GJB6: variants seen among roughly 807,000 people sequenced by gnomAD.
GJB6 encodes the protein gap junction beta-6 protein.
GJB6 carries 5 observed loss-of-function variants against 5.4 expected under a neutral mutation model. That is an observed-to-expected ratio of 0.92 (90% CI 0.48 to 1.93). GJB6 has a LOEUF of 1.93. Ranked by LOEUF, GJB6 falls within the 30% of genes most tolerant of loss-of-function variation. The pLI, the probability that GJB6 is intolerant of heterozygous loss-of-function variation, is 0.01. For missense variants in GJB6, 298 were observed against 326.9 expected (o/e 0.91, Z 0.68); for synonymous variants, 136 against 129.6 (o/e 1.05, Z -0.34).
chr13:20,227,059 CT>C (rs1321444933), intron 4 of GJB6, among the ~76,000 whole-genome samples: 2 of 152,146 alleles, frequency 1.3e-5, no homozygotes, highest in African/African-American at 4.8e-5. Context: ...GAGGTCACAA[CT>C]CCCCCCCAGG....
chr13:20,223,171 G>A lies in GJB6; in HGVS notation c.310C>T (p.Arg104Cys), dbSNP rs765805775. The A allele has an allele frequency of 1.9e-6, 3 of 1,613,458 alleles. No homozygotes were observed. The highest frequency in any genetic ancestry group is 2.5e-6 in the Non-Finnish European group (3 of 1,179,556). ...HVAYYRHETT[R>C]KFRRGEKRND... ...CTCTTCTCTCCTCGCCTGAACTTGC[G>A]AGTGGTTTCGTGCCTGTAGTAGGCC... Residue 104 changes from arginine (R) to cysteine (C), a missense_variant, in exon 5 of 5, where the codon CGC becomes TGC. By Grantham distance (180) the Arg-to-Cys change is radical. Transcript: ENST00000647029.
intron 4 of GJB6, among the ~76,000 whole-genome samples, chr13:20,227,385 T>A (rs1421205345): frequency 1.3e-5 from 2 of 152,100 alleles, no homozygotes; most frequent in East Asian, 1.9e-4. Context: ...TTAAATCCAA[T>A]ACAAGTGTGT....
At chr13:20,228,449 G>C (rs1282764633) in intron 4 of GJB6, among the ~76,000 whole-genome samples, 1 of 149,982 alleles carries the variant, frequency 6.7e-6, no homozygotes, top group Non-Finnish European at 1.5e-5. Context: ...ACTCGATGCT[G>C]TTTTTTCTTG....
intron 4 of GJB6, among the ~76,000 whole-genome samples, chr13:20,227,956 C>T (rs1225790589): frequency 6.6e-6 from 1 of 152,170 alleles, no homozygotes; most frequent in East Asian, 1.9e-4. Flanking sequence ...GGTGGACAGA[C>T]TGCAGAGGGG....
intron 4 of GJB6, among the ~76,000 whole-genome samples, chr13:20,227,317 C>T (rs1869656750): frequency 6.6e-6 from 1 of 152,118 alleles, no homozygotes; most frequent in Admixed American, 6.5e-5. Flanking sequence ...GGCAATCCAC[C>T]TATGCCTTTA....
chr13:20,231,844 C>T (rs1180654603), intron 1 of GJB6, among the ~76,000 whole-genome samples: 2 of 152,256 alleles, frequency 1.3e-5, no homozygotes, highest in Admixed American at 1.3e-4. Flanking sequence ...TCAAAGGGGA[C>T]CACGCTGGGG....
chr13:20,229,803 C>CG (rs1869958259), intron 3 of GJB6, 54 bp from the exon 4 acceptor site: 1 of 108,060 alleles, frequency 9.3e-6, no homozygotes, highest in Non-Finnish European at 1.9e-5. Flanking sequence ...CCCCCCCCCC[C>CG]CGCCCCCCGC....
At chr13:20,231,705 CACCCCGGTG>C (rs1468228222) in intron 1 of GJB6, among the ~76,000 whole-genome samples, 200 bp from the exon 2 acceptor site, 2 of 152,226 alleles carry the variant, frequency 1.3e-5, no homozygotes, top group Admixed American at 6.5e-5. Context: ...TCCAAGGGGA[CACCCCGGTG>C]ACCCACAAAA....
At chr13:20,225,630 G>A (rs1869523835) in intron 4 of GJB6, 1 of 152,142 alleles carries the variant, frequency 6.6e-6, no homozygotes, top group African/African-American at 2.4e-5. Context: ...AATGAAAAGA[G>A]GGGCCCAATT....
At position 20,223,461 on chromosome 13, in the gene GJB6, T is replaced by C. The variant is rs748719517; in HGVS notation, c.20A>G (p.His7Arg). The change falls in exon 5 of 5, where the codon CAC becomes CGC. Residue 7 changes from histidine (H) to arginine (R), a missense_variant. His to Arg is a conservative substitution (Grantham distance 29, BLOSUM62 0). Coordinates refer to ENST00000647029, the MANE Select transcript of GJB6 (RefSeq NM_001110219.3). MDWGTL[H>R]TFIGGVNKHS... ...TTTGTTGACACCCCCGATGAAAGTG[T>C]GCAGCGTCCCCCAATCCATTGCGCT... 1.2e-6 allele frequency: 2 copies of C among 1,614,096 alleles called. No homozygotes were observed. Among genetic ancestry groups the C allele is most frequent in the South Asian group, 1.1e-5 (1 of 91,088 alleles).
intron 4 of GJB6, among the ~76,000 whole-genome samples, chr13:20,226,537 G>C (rs1290167332): frequency 6.6e-6 from 1 of 152,090 alleles, no homozygotes; most frequent in African/African-American, 2.4e-5. Flanking sequence ...CATTTAAAAA[G>C]CTCATGTTAA....
rs1198581932 is a variant in GJB6, at chr13:20,222,140, C to T, written c.*555G>A. On this transcript the variant is annotated 3_prime_UTR_variant, in exon 5 of 5. Coordinates refer to ENST00000647029, the MANE Select transcript of GJB6 (RefSeq NM_001110219.3). ...TGAACACTTTCCACCTTAAGCGTAT[C>T]ATGACAGTTCACAAATTTGCCAACA... The T allele has an allele frequency of 6.3e-6, 1 of 157,650 alleles. No homozygotes were observed. The highest frequency in any genetic ancestry group is 1.4e-5 in the Non-Finnish European group (1 of 71,240). 9.8% of individuals were successfully genotyped at this position (157,650 alleles called of 1,614,324 possible). A position where few individuals can be genotyped will look rare whatever the true frequency, so the allele number is the denominator to read the frequency against.
chr13:20,227,091 A>G (rs1208064766), intron 4 of GJB6, among the ~76,000 whole-genome samples: 1 of 152,192 alleles, frequency 6.6e-6, no homozygotes, highest in Non-Finnish European at 1.5e-5. Flanking sequence ...CACGCTTTCT[A>G]GAAGCAGGGT....
chr13:20,228,727 GC>G (rs1334804588), intron 4 of GJB6, among the ~76,000 whole-genome samples: 4 of 151,204 alleles, frequency 2.6e-5, no homozygotes, highest in African/African-American at 4.9e-5. Flanking sequence ...CTCATGATCC[GC>G]CCCCCTTGGC....
intron 1 of GJB6, among the ~76,000 whole-genome samples, 155 bp from the exon 2 acceptor site, chr13:20,231,660 AC>A (rs1401664102): frequency 2.6e-5 from 4 of 151,782 alleles, no homozygotes; most frequent in African/African-American, 9.7e-5. Context: ...CTGAACTGAA[AC>A]CCGCATCCTA....
intron 4 of GJB6, 42 bp from the exon 5 acceptor site, chr13:20,223,537 G>T: frequency 6.7e-7 from 1 of 1,491,484 alleles, no homozygotes. Context: ...AGTGGAAGAG[G>T]CCTTGGGAAA....
chr13:20,226,710 T>C (rs368466966), intron 4 of GJB6, among the ~76,000 whole-genome samples: 63 of 152,358 alleles, frequency 4.1e-4, no homozygotes, highest in African/African-American at 1.3e-3. Context: ...GCTGTTCACC[T>C]ATGGGGTCAG....
intron 4 of GJB6, among the ~76,000 whole-genome samples, chr13:20,228,590 T>C (rs1165839616): frequency 6.7e-6 from 1 of 149,322 alleles, no homozygotes; most frequent in East Asian, 1.9e-4. Flanking sequence ...TTCACGCCGT[T>C]CTCCCGCCTC....
In GJB6 at chr13:20,223,199, A is replaced by G. The variant is rs1869332764; in HGVS notation, c.282T>C (p.His94=). Reference sequence around the variant, plus strand: ...TGGTTTCGTGCCTGTAGTAGGCCACATGCATGGCCACCAGCAGCGCTGGGG... The same window carrying G: ...TGGTTTCGTGCCTGTAGTAGGCCACGTGCATGGCCACCAGCAGCGCTGGGG... ...VSTPALLVAM[H]VAYYRHETTR... Residue 94 remains histidine, a synonymous_variant, in exon 5 of 5, where the codon CAT becomes CAC. Coordinates refer to ENST00000647029, the MANE Select transcript of GJB6 (RefSeq NM_001110219.3). The G allele has an allele frequency of 6.2e-7, 1 of 1,611,442 alleles. No homozygotes were observed. The highest frequency in any genetic ancestry group is 8.5e-7 in the Non-Finnish European group (1 of 1,177,908).
Sources: gnomAD v4.1 joint callset for allele counts (sites outside exome capture counted in the v4.1 genomes callset) on GRCh38, gnomAD v4.1.1 for gene constraint, MANE v1.5 for transcripts, NCBI Gene and HGNC (gene_info 2026-07-23, HGNC 2026-07-21) for gene names.